SETD1A: variants seen among roughly 807,000 people sequenced by gnomAD.
The protein encoded by SETD1A is histone-lysine N-methyltransferase SETD1A.
SETD1A carries 29 observed loss-of-function variants against 149.9 expected under a neutral mutation model. The observed-to-expected ratio is 0.19, with a 90% CI of 0.14 to 0.26. The LOEUF (loss-of-function observed/expected upper bound fraction) is 0.26, where lower values mean the gene tolerates loss of function less well. Ranked by LOEUF, SETD1A falls within the 10% of genes least tolerant of loss-of-function variation. The pLI is 1.00. For synonymous variants in SETD1A, 1,141 were observed against 968.5 expected (o/e 1.18, Z -3.31); for missense variants, 2,109 against 2,353.1 (o/e 0.90, Z 2.15).
rs756005208 is a variant in SETD1A at position 30,979,753 on chromosome 16, G to A, written c.3967G>A (p.Ala1323Thr). 6.9e-6 allele frequency: 11 copies of A among 1,595,892 alleles called. No homozygotes were observed. The highest frequency in any genetic ancestry group is 2.7e-5 in the African/African-American group (2 of 74,922). The change falls in exon 14 of 19, where the codon GCA becomes ACA. Residue 1323 changes from alanine to threonine, a missense_variant. By Grantham distance (58) the Ala-to-Thr change is moderately conservative. Transcript: ENST00000262519. ...CCTGCGGCCCCCGGAGCCAGTGCCC[G>A]CACCCGCCGCCCTCTTCAGTTCCCC... ...PALRPPEPVPAPAALFSSPAD... is the reference protein window; with the variant it reads ...PALRPPEPVPTPAALFSSPAD...
At chr16:30,977,045 T>A (rs2056293497) in intron 13 of SETD1A, among the ~76,000 whole-genome samples, 1 of 152,090 alleles carries the variant, frequency 6.6e-6, no homozygotes, top group Non-Finnish European at 1.5e-5. Flanking sequence ...CCTCCCAGGT[T>A]CAAGTGATTC....
At chr16:30,972,913 C>A (rs1430419515) in intron 13 of SETD1A, among the ~76,000 whole-genome samples, 1 of 152,000 alleles carries the variant, frequency 6.6e-6, no homozygotes. Context: ...TGAGAAGCAC[C>A]AGGAAGAGGC....
Position 30,964,263 on chromosome 16 carries a change from G to A in SETD1A, c.809G>A (p.Gly270Glu). The A allele has an allele frequency of 1.2e-5, 19 of 1,613,768 alleles. No individual in the cohort carries two copies. The highest frequency in any genetic ancestry group is 1.6e-5 in the Non-Finnish European group (19 of 1,179,920). Residue 270 changes from glycine to glutamate, a missense_variant, in exon 6 of 19, where the codon GGA becomes GAA. Gly to Glu is a moderately conservative substitution (Grantham distance 98, BLOSUM62 -2). This residue lies in a region of SETD1A where 410 missense variants were observed against 394.8 expected (regional missense o/e 1.04). Coordinates refer to ENST00000262519, the MANE Select transcript of SETD1A (RefSeq NM_014712.3). Reference sequence around the variant, plus strand: ...CAGTTCACACCTCAGTCCTCCCAAGGAACCCCCTACACGTCTCGGGGCAGC... The same window carrying A: ...CAGTTCACACCTCAGTCCTCCCAAGAAACCCCCTACACGTCTCGGGGCAGC... The part of the protein sequence containing the change: ...FGQFTPQSSQ[G>E]TPYTSRGSTP...
Position 30,980,625 on chromosome 16 carries a change from TCGGCC to T in SETD1A, c.4554_4558del (p.Arg1519AlafsTer36). The T allele has an allele frequency of 6.2e-7, 1 of 1,613,654 alleles. No individual in the cohort carries two copies. The highest frequency in any genetic ancestry group is 8.5e-7 in the Non-Finnish European group (1 of 1,179,994). On this transcript the variant is annotated frameshift_variant, in exon 15 of 19. Transcript: ENST00000262519. LOFTEE classifies it high-confidence loss of function. The surrounding 1 kb of genome is among the most constrained non-coding windows in gnomAD (Gnocchi z 7.7). ...CAAGTACCTGGACGTGTGCCCAGTCTCGGCCCGGCAGCTGGAGGGCGTGGACACTC... is the reference window on the plus strand; with the variant it reads ...CAAGTACCTGGACGTGTGCCCAGTCTCGGCAGCTGGAGGGCGTGGACACTC...
chr16:30,970,029 G>A (rs2056205056), intron 12 of SETD1A, among the ~76,000 whole-genome samples: 2 of 152,014 alleles, frequency 1.3e-5, no homozygotes, highest in Non-Finnish European at 1.5e-5. Context: ...GTGCAATGGC[G>A]CAATCTCGGC....
chr16:30,978,512 C>A (rs2056315846), intron 13 of SETD1A, among the ~76,000 whole-genome samples: 1 of 152,144 alleles, frequency 6.6e-6, no homozygotes, highest in African/African-American at 2.4e-5. Flanking sequence ...CAGCCACCCG[C>A]ATCCTGGGAT....
At chr16:30,959,884 TA>T (rs766604589) in intron 3 of SETD1A, among the ~76,000 whole-genome samples, 23 of 152,140 alleles carry the variant, frequency 1.5e-4, no homozygotes, top group Non-Finnish European at 2.6e-4. Flanking sequence ...GTATGCCTGG[TA>T]GGGGGACAGT....
Position 30,981,090 on chromosome 16 carries a change from G to C in SETD1A, c.4722G>C (p.Arg1574=). The C allele has an allele frequency of 6.2e-7, 1 of 1,614,248 alleles. No individual in the cohort carries two copies. The highest frequency in any genetic ancestry group is 8.5e-7 in the Non-Finnish European group (1 of 1,180,036). ...KFRKKKLRFG[R]SRIHEWGLFA... ...GGAAGAAGAAGCTCCGATTTGGCCG[G>C]AGCCGGATCCACGAGTGGGGTCTGT... The change falls in exon 17 of 19, where the codon CGG becomes CGC. Residue 1574 remains arginine, a synonymous_variant. Coordinates refer to ENST00000262519, the MANE Select transcript of SETD1A (RefSeq NM_014712.3).
At position 30,965,372 on chromosome 16, in the gene SETD1A, G is replaced by A. The variant is rs1396574538; in HGVS notation, c.1630G>A (p.Ala544Thr). 4 of 1,611,308 alleles carry A rather than the reference G, an allele frequency of 2.5e-6. No individual in the cohort carries two copies. The South Asian group carries it at 4.4e-5, about 18-fold the overall frequency. ...SGHGPCTPPPAPANFEDVAPT... is the reference protein window; with the variant it reads ...SGHGPCTPPPTPANFEDVAPT... The stretch of plus-strand genomic sequence containing the variant: ...GCATGGGCCCTGCACACCCCCTCCG[G>A]CCCCAGCTAATTTTGAGGATGTGGC... The change falls in exon 7 of 19, where the codon GCC becomes ACC. Residue 544 changes from alanine to threonine, a missense_variant. By Grantham distance (58) the Ala-to-Thr change is moderately conservative (BLOSUM62 0). Around this residue, in one of 8 missense-constraint regions of SETD1A, gnomAD observed 431 missense variants for 388.6 expected, o/e 1.11. Transcript: ENST00000262519.
At position 30,971,534 on chromosome 16, in the gene SETD1A, C is replaced by T. The variant is rs747758338; in HGVS notation, c.3173C>T (p.Ser1058Phe). 6.2e-7 allele frequency: 1 copy of T among 1,613,914 alleles called. No homozygotes were observed. The highest frequency in any genetic ancestry group is 8.5e-7 in the Non-Finnish European group (1 of 1,179,888). ...TCATCCTCCTCGTCCTCTTCATCCT[C>T]TGAGTCCTCCTCTGAAGATGAAGAG... is the stretch of plus-strand genomic sequence containing the variant. ...SSSSSSSSSS[S>F]ESSSEDEEEE... Residue 1058 changes from serine to phenylalanine, a missense_variant, in exon 13 of 19, where the codon TCT (serine) becomes TTT (phenylalanine). Around this residue, in one of 8 missense-constraint regions of SETD1A, gnomAD observed 832 missense variants for 815.6 expected, o/e 1.02. Transcript: ENST00000262519.
At chr16:30,976,338 T>C (rs2056285068) in intron 13 of SETD1A, among the ~76,000 whole-genome samples, 1 of 152,128 alleles carries the variant, frequency 6.6e-6, no homozygotes, top group East Asian at 1.9e-4. Flanking sequence ...CAGTAAACAG[T>C]GATTGTGCCG....
intron 12 of SETD1A, among the ~76,000 whole-genome samples, chr16:30,970,797 C>A (rs2056214806): frequency 6.6e-6 from 1 of 152,200 alleles, no homozygotes; most frequent in South Asian, 2.1e-4. Context: ...TCCATCTCGC[C>A]CTCCTCCAGT....
At position 30,966,013 on chromosome 16, in the gene SETD1A, T is replaced by C. The variant is rs768099969; in HGVS notation, c.2132T>C (p.Phe711Ser). 22 of 1,568,570 alleles carry C rather than the reference T, an allele frequency of 1.4e-5. No individual in the cohort carries two copies. The highest frequency in any genetic ancestry group is 9.5e-5 in the South Asian group (8 of 83,824). Reference sequence around the variant, plus strand: ...TCAGCTGGCCCCCCCGGTGGGGCCTTTGGGGAGGCCTTCCTCCCGTTTCCA... The same window carrying C: ...TCAGCTGGCCCCCCCGGTGGGGCCTCTGGGGAGGCCTTCCTCCCGTTTCCA... ...AASAGPPGGA[F>S]GEAFLPFPPP... The change falls in exon 8 of 19, where the codon TTT becomes TCT. Residue 711 changes from phenylalanine (F) to serine (S), a missense_variant. By Grantham distance (155) the Phe-to-Ser change is radical. Around this residue, in one of 8 missense-constraint regions of SETD1A, gnomAD observed 431 missense variants for 388.6 expected, o/e 1.11. Coordinates refer to ENST00000262519, the MANE Select transcript of SETD1A (RefSeq NM_014712.3).
intron 3 of SETD1A, among the ~76,000 whole-genome samples, chr16:30,960,730 C>CTTTCTT (rs1555488856): frequency 1.2e-5 from 1 of 80,552 alleles, no homozygotes; most frequent in African/African-American, 4.4e-5. Context: ...TTCTTTCTTT[C>CTTTCTT]TTTTTTTTTT....
At position 30,980,271 on chromosome 16, in the gene SETD1A, C is replaced by A; in HGVS notation, c.4408+77C>A. The stretch of plus-strand genomic sequence containing the variant: ...TCCAGGCACCTGCATCTGTGCCCCA[C>A]TCTGTCTGCCTCCCCTCTGGCTCCA... On this transcript the variant is annotated intron_variant, in intron 14 of 18. Transcript: ENST00000262519. This position sits in a 1 kb window ranked among gnomAD's most constrained non-coding sequence, Gnocchi z 7.7. 1 of 1,484,458 alleles carries A rather than the reference C, an allele frequency of 6.7e-7. No individual in the cohort carries two copies. The highest frequency in any genetic ancestry group is 9.0e-7 in the Non-Finnish European group (1 of 1,113,852). The allele number at this position is 1,484,458 out of a possible 1,614,324, so 92.0% of individuals were successfully genotyped here.
Position 30,971,359 on chromosome 16 carries a change from G to C in SETD1A, c.3017-19G>C. The C allele has an allele frequency of 6.4e-7, 1 of 1,560,658 alleles. No individual in the cohort carries two copies. The highest frequency in any genetic ancestry group is 8.7e-7 in the Non-Finnish European group (1 of 1,148,418). ...TGAGGTCTGCCCACCTCTCCTGACT[G>C]CCCCTTCTGGATTTCCAGGCGAGGA... On this transcript the variant is annotated intron_variant, in intron 12 of 18. Transcript: ENST00000262519.
rs776027224 is a variant in SETD1A at position 30,966,104 on chromosome 16, G to A, written c.2223G>A (p.Gly741=). 4 of 1,597,324 alleles carry A rather than the reference G, an allele frequency of 2.5e-6. No homozygotes were observed. The highest frequency in any genetic ancestry group is 2.2e-5 in the South Asian group (2 of 89,126). Residue 741 remains glycine (G), a synonymous_variant, in exon 8 of 19, where the codon GGG becomes GGA. Transcript: ENST00000262519. ...ATGCACAGGGGCAGGAGGGCAGAGG[G>A]GCATACTCACGGGAGGCCTACCACC... ...ALYAQGQEGR[G]AYSREAYHLP...
intron 13 of SETD1A, among the ~76,000 whole-genome samples, chr16:30,977,293 T>C (rs1355532227): frequency 6.6e-6 from 1 of 151,926 alleles, no homozygotes; most frequent in Non-Finnish European, 1.5e-5. Flanking sequence ...ACCACCGTCT[T>C]AGTGATTGCC....
rs1035686073 is a variant in SETD1A, at chr16:30,983,487, G to A, written c.4813-148G>A. On this transcript the variant is annotated intron_variant, in intron 17 of 18. Transcript: ENST00000262519. The surrounding 1 kb of genome is among the most constrained non-coding windows in gnomAD (Gnocchi z 6.8). ...AGGGAGGGCTCCTGGAAGCAGAGTC[G>A]AGAGAGTCAGTGCCGGGTTAGCGGG... 3 of 919,722 alleles carry A rather than the reference G, an allele frequency of 3.3e-6. No homozygotes were observed. Among genetic ancestry groups the A allele is most frequent in the Non-Finnish European group, 5.0e-6 (3 of 605,550 alleles). The allele number at this position is 919,722 out of a possible 1,614,324, so 57.0% of individuals were successfully genotyped here.
Sources: allele counts gnomAD v4.1 joint callset (sites outside exome capture counted in the v4.1 genomes callset), GRCh38; gene constraint gnomAD v4.1.1; regional missense constraint gnomAD v4.1.1; non-coding constraint Gnocchi (gnomAD v3.1); transcripts MANE v1.5; gene names NCBI Gene and HGNC (gene_info 2026-07-23, HGNC 2026-07-21).